The following BAIAP2 variants were observed in gnomAD, a reference collection of about 807,000 sequenced individuals.
The protein encoded by BAIAP2 is BAR/IMD domain containing adaptor protein 2, also known as BAR/IMD domain-containing adapter protein 2.
Under a neutral mutation model 63.0 loss-of-function variants are expected in BAIAP2, and 18 were observed. That is an observed-to-expected ratio of 0.29 (90% CI 0.20 to 0.42). BAIAP2 has a LOEUF of 0.42. Among genes scored for constraint, BAIAP2 ranks in the 10% least tolerant of loss-of-function variants. The pLI is 1.00. For missense variants in BAIAP2, 610 were observed against 734.3 expected (o/e 0.83, Z 1.96); for synonymous variants, 386 against 307.6 (o/e 1.25, Z -2.67).
At chr17:81,096,289 C>T (rs895229644) in intron 6 of BAIAP2, among the ~76,000 whole-genome samples, 6 of 152,206 alleles carry the variant, frequency 3.9e-5, no homozygotes, top group Non-Finnish European at 5.9e-5. Flanking sequence ...GGCCGGCCAC[C>T]GCTGGAAAAG....
intron 3 of BAIAP2, among the ~76,000 whole-genome samples, chr17:81,061,510 C>T (rs1397905585): frequency 1.3e-5 from 2 of 152,204 alleles, no homozygotes; most frequent in Non-Finnish European, 2.9e-5. Flanking sequence ...GTTTTACATA[C>T]ATGGAACCAT....
chr17:81,069,486 T>G (rs2052160381), intron 3 of BAIAP2, among the ~76,000 whole-genome samples: 1 of 152,052 alleles, frequency 6.6e-6, no homozygotes, highest in Non-Finnish European at 1.5e-5. Context: ...CCCACCTGGC[T>G]TCTCGGCGGC....
intron 3 of BAIAP2, among the ~76,000 whole-genome samples, chr17:81,071,983 C>A (rs188333220): frequency 5.3e-5 from 8 of 152,366 alleles, no homozygotes; most frequent in Middle Eastern, 3.4e-3. Context: ...ATCATCCCCC[C>A]CTCCCCCTCT....
chr17:81,037,039 A>C (rs6565527), intron 1 of BAIAP2: 1,149,989 of 1,265,764 alleles, frequency 0.91, 522,791 homozygotes, highest in African/African-American at 0.95. Context: ...ACCGGGCAGT[A>C]GGCCTTCACC....
Position 81,109,037 on chromosome 17 carries a change from C to T in BAIAP2, c.1535+528C>T, listed in dbSNP as rs1474897452. The T allele has an allele frequency of 2.6e-6, 4 of 1,530,538 alleles. No individual in the cohort carries two copies. In the Admixed American group the frequency reaches 6.1e-5, roughly 23 times the overall value. The allele number at this position is 1,530,538 out of a possible 1,614,324, so 94.8% of individuals were successfully genotyped here. On this transcript the variant is annotated intron_variant, in intron 13 of 13. Transcript: ENST00000428708. ...GGGCAGCCGCTGCTCTGAAGAGCTT[C>T]CGCGCCTTCCCCCTGGTCTCGTCCG...
At chr17:81,070,570 G>A (rs190244023) in intron 3 of BAIAP2, among the ~76,000 whole-genome samples, 9 of 152,296 alleles carry the variant, frequency 5.9e-5, no homozygotes, top group Admixed American at 2.6e-4. Flanking sequence ...TAGTGGACGC[G>A]GGGGCAGGAG....
intron 3 of BAIAP2, among the ~76,000 whole-genome samples, chr17:81,068,939 A>G (rs1314472192): frequency 6.6e-6 from 1 of 152,090 alleles, no homozygotes; most frequent in East Asian, 1.9e-4. Context: ...CAGCTGCTCC[A>G]GGCTCCTCCA....
At chr17:81,055,391 C>T (rs1357340156) in intron 2 of BAIAP2, among the ~76,000 whole-genome samples, 1 of 151,990 alleles carries the variant, frequency 6.6e-6, no homozygotes, top group Non-Finnish European at 1.5e-5. Context: ...CTCCCTTGGG[C>T]CACCTCCTGT....
chr17:81,083,078 C>T (rs2054911419), intron 3 of BAIAP2: 2 of 152,498 alleles, frequency 1.3e-5, no homozygotes, highest in African/African-American at 4.8e-5. Flanking sequence ...CTGCCAGACT[C>T]AGCTGTGCTT....
intron 3 of BAIAP2, among the ~76,000 whole-genome samples, chr17:81,074,582 T>TGAGTGCCTGTGTGTGCGTGCATGGATGC (rs1568120160): frequency 1.3e-5 from 2 of 149,392 alleles, no homozygotes; most frequent in African/African-American, 5.0e-5. Flanking sequence ...TGCATGGATG[T>TGAGTGCCTGTGTGTGCGTGCATGGATGC]GTGAGTGCCT....
At position 81,071,358 on chromosome 17, in the gene BAIAP2, A is replaced by G. The variant is rs112562677; in HGVS notation, c.217+13391A>G. On this transcript the variant is annotated intron_variant, in intron 3 of 13. Transcript: ENST00000428708. ...CCCTGGCCATCTGTCCTTCCCCGTG[A>G]TGAGGGCGCTCTGTTCGAGCCCTGC... Among the ~76,000 whole-genome samples, 482 of 152,218 alleles carry G rather than the reference A, an allele frequency of 3.2e-3. 5 individuals carry two copies. Among genetic ancestry groups the G allele is most frequent in the African/African-American group, 0.011 (455 of 41,520 alleles).
Position 81,103,602 on chromosome 17 carries a change from C to A in BAIAP2, c.743C>A (p.Ala248Asp). Residue 248 changes from alanine to aspartate, a missense_variant, in exon 8 of 14, where the codon GCC (alanine) becomes GAC (aspartate). Ala to Asp is a moderately radical substitution (Grantham distance 126, BLOSUM62 -2). Transcript: ENST00000428708. ...ERAVQLMQQVASNGATLPSAL... is the reference protein window; with the variant it reads ...ERAVQLMQQVDSNGATLPSAL... ...GCGGTGCAGCTCATGCAGCAGGTGG[C>A]CAGCAACGGCGCCACCCTCCCCAGC... The A allele has an allele frequency of 6.2e-7, 1 of 1,605,080 alleles. No homozygotes were observed. The highest frequency in any genetic ancestry group is 8.5e-7 in the Non-Finnish European group (1 of 1,179,270).
rs372574358 is a variant in BAIAP2, at chr17:81,106,853, G to C, written c.1446G>C (p.Thr482=). Residue 482 remains threonine (T), a synonymous_variant, in exon 12 of 14, where the codon ACG becomes ACC. Transcript: ENST00000428708. ...CCTCCCGGGCCTTCCCCGCCCAGAC[G>C]GCCAGCGGCTTCAAGCAGAGGCCCT... is the stretch of plus-strand genomic sequence containing the variant. ...GAASRAFPAQ[T]ASGFKQRPYS... 1.2e-6 allele frequency: 2 copies of C among 1,608,182 alleles called. No individual in the cohort carries two copies. Among genetic ancestry groups the C allele is most frequent in the Non-Finnish European group, 8.5e-7 (1 of 1,177,626 alleles).
intron 6 of BAIAP2, among the ~76,000 whole-genome samples, chr17:81,090,666 G>A (rs143374811): frequency 6.6e-4 from 100 of 152,328 alleles, no homozygotes; most frequent in South Asian, 6.2e-4. Flanking sequence ...CCTCGGAGCC[G>A]TCAGCATCCC....
At position 81,043,553 on chromosome 17, in the gene BAIAP2, G is replaced by A. The variant is rs539552550; in HGVS notation, c.54+8245G>A. On this transcript the variant is annotated intron_variant, in intron 1 of 13. Transcript: ENST00000428708. ...TGTCTCATGCTCTGGCTCTGGGGACGGCTGGGCCCACAGCGTCCTGGCACC... is the reference window on the plus strand; with the variant it reads ...TGTCTCATGCTCTGGCTCTGGGGACAGCTGGGCCCACAGCGTCCTGGCACC... Among the ~76,000 whole-genome samples, 15 of 152,326 alleles carry A rather than the reference G, an allele frequency of 9.8e-5. No individual in the cohort carries two copies. In the East Asian group the frequency reaches 1.7e-3, roughly 18 times the overall value.
chr17:81,096,925 T>TGGA (rs2057716666), intron 6 of BAIAP2, among the ~76,000 whole-genome samples: 2 of 151,536 alleles, frequency 1.3e-5, no homozygotes, highest in South Asian at 2.1e-4. Context: ...GCTCCAGCTG[T>TGGA]GGAGGAGGAG....
intron 3 of BAIAP2, among the ~76,000 whole-genome samples, chr17:81,066,011 C>T (rs961058884): frequency 1.3e-5 from 2 of 152,244 alleles, no homozygotes; most frequent in Non-Finnish European, 1.5e-5. Context: ...GTGGTCAGAC[C>T]CGCATGTCCA....
chr17:81,093,242 G>C (rs898915628), intron 6 of BAIAP2, among the ~76,000 whole-genome samples: 2 of 152,124 alleles, frequency 1.3e-5, no homozygotes, highest in Non-Finnish European at 2.9e-5. Flanking sequence ...GCTCAGAATC[G>C]CACTGGGCAT....
intron 6 of BAIAP2, among the ~76,000 whole-genome samples, chr17:81,090,820 C>T (rs2056601295): frequency 7.5e-6 from 1 of 133,026 alleles, no homozygotes; most frequent in African/African-American, 2.6e-5. Flanking sequence ...GGCCTCGCTG[C>T]TCCAGGCCCC....
Sources: gnomAD v4.1 joint callset for allele counts (sites outside exome capture counted in the v4.1 genomes callset) on GRCh38, gnomAD v4.1.1 for gene constraint, MANE v1.5 for transcripts, NCBI Gene and HGNC (gene_info 2026-07-23, HGNC 2026-07-21) for gene names.